The following THAP6 variants were observed in gnomAD, a reference collection of about 807,000 sequenced individuals.
The protein encoded by THAP6 is THAP domain containing 6.
Under a neutral mutation model 20.0 loss-of-function variants are expected in THAP6, and 13 were observed. That is an observed-to-expected ratio of 0.65 (90% confidence interval 0.42 to 1.03). THAP6 has a LOEUF of 1.03. THAP6 is among the 50% of genes least tolerant of loss of function. THAP6 has a pLI of 0.00. For missense variants in THAP6, 262 were observed against 261.6 expected (o/e 1.00, Z -0.01); for synonymous variants, 93 against 92.2 (o/e 1.01, Z -0.05).
At chr4:75,542,392 C>T (rs1560553484) in intron 2 of THAP6, 1 of 700,598 alleles carries the variant, frequency 1.4e-6, no homozygotes, top group Non-Finnish European at 2.6e-6. Flanking sequence ...CGTATTTCTG[C>T]CTGTGTTTTG....
At chr4:75,539,876 A>G (rs1246468899) in intron 2 of THAP6, 8 of 1,536,016 alleles carry the variant, frequency 5.2e-6, no homozygotes, top group Non-Finnish European at 6.1e-6. Context: ...GGAAAAGGAA[A>G]CAAGAACAGG....
chr4:75,534,555 G>C (rs1386781784), downstream of THAP6, among the ~76,000 whole-genome samples: 2 of 152,156 alleles, frequency 1.3e-5, no homozygotes, highest in Non-Finnish European at 2.9e-5. Context: ...AGCCAAAATT[G>C]ACAAATTGGA....
chr4:75,542,350 T>A, intron 2 of THAP6: 1 of 691,298 alleles, frequency 1.4e-6, no homozygotes, highest in South Asian at 1.5e-5. Context: ...TTGCATGCTC[T>A]AATAGAGCTG....
intron 4 of THAP6, among the ~76,000 whole-genome samples, chr4:75,524,924 T>C (rs1245013715): frequency 6.6e-6 from 1 of 152,074 alleles, no homozygotes; most frequent in Non-Finnish European, 1.5e-5. Flanking sequence ...GCCAAGCTAA[T>C]TTTTGTTTGT....
At chr4:75,514,047 TCTC>T (rs1445137729), upstream of THAP6, 42 of 1,256,352 alleles carry the variant, frequency 3.3e-5, no homozygotes, top group East Asian at 3.5e-4. Context: ...CCAAAAACGT[TCTC>T]CTCAAGAAGA....
intron 4 of THAP6, among the ~76,000 whole-genome samples, chr4:75,523,066 C>T (rs1284823603): frequency 6.6e-6 from 1 of 152,186 alleles, no homozygotes; most frequent in Non-Finnish European, 1.5e-5. Context: ...TTTCCCCCGA[C>T]AGTGTACAGG....
intron 3 of THAP6, among the ~76,000 whole-genome samples, chr4:75,518,143 A>T (rs866707188): frequency 6.6e-6 from 1 of 152,120 alleles, no homozygotes; most frequent in Non-Finnish European, 1.5e-5. Context: ...TTTTTTTCCT[A>T]CCACCAAGGT....
Position 75,527,171 on chromosome 4 carries a change from G to A in THAP6, c.626G>A (p.Trp209Ter). 6.2e-7 allele frequency: 1 copy of A among 1,614,034 alleles called. No individual in the cohort carries two copies. Among genetic ancestry groups the A allele is most frequent in the South Asian group, 1.1e-5 (1 of 91,064 alleles). ...ETANRLDTFC[W>*]DCCQESIEQD... ...GCAAATAGACTGGACACTTTCTGTT[G>A]GGACTGTTGTCAGGAGAGCATAGAA... The change falls in exon 5 of 5, where the codon TGG becomes TAG. Residue 209 changes from tryptophan to a stop codon, truncating the protein, a stop_gained. Transcript: ENST00000311638. LOFTEE classifies it high-confidence loss of function.
intron 2 of THAP6, among the ~76,000 whole-genome samples, chr4:75,536,823 C>A (rs535174260): frequency 1.3e-5 from 2 of 152,104 alleles, no homozygotes; most frequent in South Asian, 2.1e-4. Flanking sequence ...TGAGCCACTG[C>A]GCCTGGCCAC....
At chr4:75,530,336 TTTC>T (rs910147985), downstream of THAP6, among the ~76,000 whole-genome samples, 2 of 152,270 alleles carry the variant, frequency 1.3e-5, no homozygotes, top group African/African-American at 2.4e-5. Context: ...GGCATTGTGC[TTTC>T]TTCTTCATAG....
rs1257099761 is a variant in THAP6, at chr4:75,515,430, C to G, written c.-20-3C>G. 1.4e-5 allele frequency: 23 copies of G among 1,609,102 alleles called. No homozygotes were observed. The highest frequency in any genetic ancestry group is 2.0e-5 in the Non-Finnish European group (23 of 1,175,562). ...AACTCTTAACATTCTAATTTTCTTT[C>G]AGTTTTGTTATGAGTTGCTAAAATG... On this transcript the variant is annotated splice_region_variant and splice_polypyrimidine_tract_variant and intron_variant, in intron 1 of 4. Coordinates refer to ENST00000311638, the MANE Select transcript of THAP6 (RefSeq NM_144721.6).
chr4:75,521,665 A>T, intron 3 of THAP6, 71 bp from the exon 4 acceptor site: 1 of 1,446,422 alleles, frequency 6.9e-7, no homozygotes, highest in Non-Finnish European at 9.3e-7. Context: ...ATACAAAGTT[A>T]AGAAGGAATA....
chr4:75,540,027 G>C, intron 2 of THAP6: 1 of 1,493,446 alleles, frequency 6.7e-7, no homozygotes, highest in Non-Finnish European at 8.9e-7. Flanking sequence ...AAGGAACATT[G>C]TATCACTGAA....
In THAP6 at chr4:75,529,523, A is replaced by T; in HGVS notation, c.*2309A>T. ...TGTTCTAATAGGGAAGCAATTACTG[A>T]TAGAAATGTGAGATTAAAAATAGGG... On this transcript the variant is annotated 3_prime_UTR_variant, in exon 5 of 5. Coordinates refer to ENST00000311638, the MANE Select transcript of THAP6 (RefSeq NM_144721.6). The T allele has an allele frequency of 3.0e-6, 3 of 985,438 alleles. No individual in the cohort carries two copies. The highest frequency in any genetic ancestry group is 3.6e-6 in the Non-Finnish European group (3 of 829,934). 61.0% of individuals were successfully genotyped at this position (985,438 alleles called of 1,614,324 possible).
chr4:75,536,411 C>T (rs1726855087), intron 2 of THAP6, among the ~76,000 whole-genome samples: 1 of 152,076 alleles, frequency 6.6e-6, no homozygotes, highest in African/African-American at 2.4e-5. Context: ...TTGCGGTGAG[C>T]TGAGATCATG....
chr4:75,540,385 G>T (rs944504728), intron 2 of THAP6, among the ~76,000 whole-genome samples: 1 of 152,116 alleles, frequency 6.6e-6, no homozygotes, highest in Non-Finnish European at 1.5e-5. Flanking sequence ...GAGTTCATAG[G>T]CTAGCTACTT....
chr4:75,536,018 G>T (rs1257802990), intron 2 of THAP6, among the ~76,000 whole-genome samples: 2 of 152,128 alleles, frequency 1.3e-5, no homozygotes, highest in Non-Finnish European at 2.9e-5. Context: ...GCTGTTATTT[G>T]TTAACTTGAT....
chr4:75,545,904 A>G (rs1207118249), intron 3 of THAP6, among the ~76,000 whole-genome samples: 1 of 152,166 alleles, frequency 6.6e-6, no homozygotes, highest in Non-Finnish European at 1.5e-5. Context: ...ACAGACCTCC[A>G]GTGGGCCCTT....
chr4:75,530,458 C>T (rs532520112), downstream of THAP6, among the ~76,000 whole-genome samples: 5 of 152,288 alleles, frequency 3.3e-5, no homozygotes, highest in East Asian at 7.7e-4. Context: ...TGTTTATAGG[C>T]CCCTGAATTT....
Sources: gnomAD v4.1 joint callset for allele counts (sites outside exome capture counted in the v4.1 genomes callset) on GRCh38, gnomAD v4.1.1 for gene constraint, MANE v1.5 for transcripts, NCBI Gene and HGNC (gene_info 2026-07-23, HGNC 2026-07-21) for gene names.